Variants in SSH2 observed in about 807,000 individuals in gnomAD.
SSH2 encodes the protein slingshot protein phosphatase 2.
Under a neutral mutation model 135.2 loss-of-function variants are expected in SSH2, and 37 were observed. The ratio of observed to expected loss-of-function variants is 0.27; its 90% CI spans 0.21 to 0.36. The LOEUF (loss-of-function observed/expected upper bound fraction) is 0.36, where lower values mean the gene tolerates loss of function less well. Among genes scored for constraint, SSH2 ranks in the 10% least tolerant of loss-of-function variants. SSH2 has a pLI of 1.00. For synonymous variants in SSH2, 628 were observed against 646.2 expected (o/e 0.97, Z 0.43); for missense variants, 1,408 against 1,765.3 (o/e 0.80, Z 3.63).
At chr17:29,843,575 T>A (rs1180209634) in intron 2 of SSH2, among the ~76,000 whole-genome samples, 4 of 150,092 alleles carry the variant, frequency 2.7e-5, no homozygotes. Flanking sequence ...AAAAAAAAAA[T>A]TACTATAGCA....
intron 11 of SSH2, among the ~76,000 whole-genome samples, chr17:29,661,147 C>T (rs966802562): frequency 6.6e-6 from 1 of 151,738 alleles, no homozygotes; most frequent in Non-Finnish European, 1.5e-5. Context: ...AGCACTTGGG[C>T]CTCTGCCCTC....
At chr17:29,709,339 C>T (rs1311754803) in intron 3 of SSH2, among the ~76,000 whole-genome samples, 7 of 152,200 alleles carry the variant, frequency 4.6e-5, no homozygotes, top group Non-Finnish European at 1.0e-4. Flanking sequence ...GGACGAAATA[C>T]AATGTCTTAC....
chr17:29,760,027 CTATTTTTTTA>C (rs2041240217), intron 3 of SSH2, among the ~76,000 whole-genome samples: 1 of 151,836 alleles, frequency 6.6e-6, no homozygotes, highest in South Asian at 2.1e-4. Flanking sequence ...GACTTTTTTT[CTATTTTTTTA>C]GAAGCTCCAC....
At chr17:29,770,938 A>G (rs2041571270) in intron 3 of SSH2, among the ~76,000 whole-genome samples, 1 of 152,302 alleles carries the variant, frequency 6.6e-6, no homozygotes, top group Admixed American at 6.5e-5. Flanking sequence ...ACTTAATTCT[A>G]ATTAAAATCC....
Position 29,802,618 on chromosome 17 carries a change from CAAAAAAA to C in SSH2, c.145-8688_145-8682del, listed in dbSNP as rs74267073. On this transcript the variant is annotated intron_variant, in intron 2 of 15. Transcript: ENST00000540801. ...GACACATAGCGAAACACTGTTTCTA[CAAAAAAA>C]AAAAAAAAAAAAAGAAAAGAAAAAA... Among the ~76,000 whole-genome samples, 9 of 57,400 alleles carry C rather than the reference CAAAAAAA, an allele frequency of 1.6e-4. No homozygotes were observed. In the East Asian group the frequency reaches 2.2e-3, roughly 14 times the overall value. 37.7% of individuals were successfully genotyped at this position (57,400 alleles called of 152,430 possible).
Position 29,895,163 on chromosome 17 carries a change from T to C in SSH2, c.63+34775A>G, listed in dbSNP as rs537222472. On this transcript the variant is annotated intron_variant, in intron 1 of 15. Transcript: ENST00000540801. ...TATTTTATTTATAGATCGCAGAATG[T>C]ATAAAATACATTATACATATATTTT... Among the ~76,000 whole-genome samples, 403 of 146,668 alleles carry C rather than the reference T, an allele frequency of 2.7e-3. 3 individuals are homozygous for C. The highest frequency in any genetic ancestry group is 7.2e-3 in the Middle Eastern group (2 of 278).
chr17:29,632,764 GTTC>G lies in SSH2; in HGVS notation c.2427_2429del (p.Lys809del). Reference sequence around the variant, plus strand: ...TCTCAAGGAGCAGCTCATGGATGCTGTTCTTCTTTGGTGTATGGCATGGGTTGG... The same window carrying G: ...TCTCAAGGAGCAGCTCATGGATGCTGTTCTTTGGTGTATGGCATGGGTTGG... On this transcript the variant is annotated inframe_deletion, in exon 16 of 16. Transcript: ENST00000540801. 2 of 1,614,138 alleles carry G rather than the reference GTTC, an allele frequency of 1.2e-6. No individual in the cohort carries two copies. The highest frequency in any genetic ancestry group is 8.5e-7 in the Non-Finnish European group (1 of 1,179,966).
At position 29,877,620 on chromosome 17, in the gene SSH2, C is replaced by T. The variant is rs145463895; in HGVS notation, c.64-28691G>A. Reference sequence around the variant, plus strand: ...ATTACTTTAAGTGAAATAAGCCAGGCACAGAAAGACAAACATCTTGTATTC... The same window carrying T: ...ATTACTTTAAGTGAAATAAGCCAGGTACAGAAAGACAAACATCTTGTATTC... On this transcript the variant is annotated intron_variant, in intron 1 of 15. Transcript: ENST00000540801. 3.7e-3 allele frequency among the ~76,000 whole-genome samples: 569 copies of T among 152,126 alleles called. 21 individuals are homozygous for T. The East Asian group carries it at 0.093, about 25-fold the overall frequency.
Position 29,848,879 on chromosome 17 carries a change from A to G in SSH2, c.114T>C (p.Cys38=), listed in dbSNP as rs977439488. The G allele has an allele frequency of 1.7e-5, 26 of 1,534,308 alleles. No homozygotes were observed. The highest frequency in any genetic ancestry group is 2.2e-5 in the Non-Finnish European group (25 of 1,145,792). ...AATCAGTAAAGATTTCTGATTCTTC[A>G]CATTCACAGCAAAGTAATGCTGCTG... ...SESAALLCCE[C]EESEIFTDSN... is the part of the protein sequence containing the mutation. Residue 38 remains cysteine, a synonymous_variant, in exon 2 of 16, where the codon TGT becomes TGC. Coordinates refer to ENST00000540801, the MANE Select transcript of SSH2 (RefSeq NM_001282129.2).
chr17:29,788,916 C>T lies in SSH2; in HGVS notation c.188+4978G>A, dbSNP rs576187224. Reference sequence around the variant, plus strand: ...AATGCTTCCATCTTCTTAGAGAATACATAAAGAACCACGAACAGAATATTT... The same window carrying T: ...AATGCTTCCATCTTCTTAGAGAATATATAAAGAACCACGAACAGAATATTT... On this transcript the variant is annotated intron_variant, in intron 3 of 15. Coordinates refer to ENST00000540801, the MANE Select transcript of SSH2 (RefSeq NM_001282129.2). 2.6e-5 allele frequency among the ~76,000 whole-genome samples: 4 copies of T among 152,266 alleles called. No individual in the cohort carries two copies. In the South Asian group the frequency reaches 8.3e-4, roughly 32 times the overall value.
intron 1 of SSH2, among the ~76,000 whole-genome samples, chr17:29,883,661 A>G (rs1298643556): frequency 6.6e-6 from 1 of 152,218 alleles, no homozygotes; most frequent in Non-Finnish European, 1.5e-5. Flanking sequence ...TAAGTCACAG[A>G]GGATGAGTTA....
chr17:29,679,669 G>A (rs2047315848), intron 6 of SSH2, among the ~76,000 whole-genome samples: 1 of 152,194 alleles, frequency 6.6e-6, no homozygotes, highest in African/African-American at 2.4e-5. Flanking sequence ...GCCTCCCAAA[G>A]TGCTGGGATT....
intron 4 of SSH2, among the ~76,000 whole-genome samples, chr17:29,698,669 G>C (rs906343047): frequency 6.6e-5 from 10 of 152,030 alleles, no homozygotes; most frequent in Admixed American, 6.6e-4. Flanking sequence ...CTAATTTTTT[G>C]TATTTTTTGT....
chr17:29,715,065 C>G (rs1335250761), intron 3 of SSH2, among the ~76,000 whole-genome samples: 1 of 151,954 alleles, frequency 6.6e-6, no homozygotes, highest in Non-Finnish European at 1.5e-5. Flanking sequence ...CGGGGTTTCA[C>G]CATGTTGCCC....
chr17:29,750,673 C>T (rs2040906300), intron 3 of SSH2, among the ~76,000 whole-genome samples: 1 of 151,266 alleles, frequency 6.6e-6, no homozygotes, highest in African/African-American at 2.4e-5. Flanking sequence ...CAGGCACAAG[C>T]TACTGTGCAT....
At chr17:29,722,520 G>C (rs530708340) in intron 3 of SSH2, among the ~76,000 whole-genome samples, 3 of 152,254 alleles carry the variant, frequency 2.0e-5, no homozygotes, top group African/African-American at 4.8e-5. Context: ...GAGAAAAACA[G>C]GGAAGTGGCT....
In SSH2 at chr17:29,739,485, T is replaced by C. The variant is rs376267726; in HGVS notation, c.189-36423A>G. Among the ~76,000 whole-genome samples, 5 of 152,196 alleles carry C rather than the reference T, an allele frequency of 3.3e-5. No homozygotes were observed. In the South Asian group the frequency reaches 1.0e-3, roughly 32 times the overall value. On this transcript the variant is annotated intron_variant, in intron 3 of 15. Transcript: ENST00000540801. The stretch of plus-strand genomic sequence containing the variant: ...TTAGCTTAGTCTCTCAATGATTCTA[T>C]ATATAAGGATCACTGCTAACTTAAA...
chr17:29,755,439 C>A (rs993007705), intron 3 of SSH2, among the ~76,000 whole-genome samples: 8 of 151,888 alleles, frequency 5.3e-5, no homozygotes, highest in African/African-American at 1.5e-4. Flanking sequence ...CAAGGGTAGA[C>A]CTTAATCTAA....
intron 1 of SSH2, among the ~76,000 whole-genome samples, chr17:29,896,997 T>C (rs1341429400): frequency 6.6e-6 from 1 of 151,902 alleles, no homozygotes; most frequent in Non-Finnish European, 1.5e-5. Context: ...TGTAATGCTA[T>C]AAAGACATAC....
Sources: gnomAD v4.1 joint callset for allele counts (sites outside exome capture counted in the v4.1 genomes callset) on GRCh38, gnomAD v4.1.1 for gene constraint, MANE v1.5 for transcripts, NCBI Gene and HGNC (gene_info 2026-07-23, HGNC 2026-07-21) for gene names.